Variants in PSD3 observed in about 807,000 individuals in gnomAD.
PSD3 encodes PH and SEC7 domain-containing protein 3.
Under a neutral mutation model 105.5 loss-of-function variants are expected in PSD3, and 49 were observed. That is an observed-to-expected ratio of 0.46 (90% CI 0.37 to 0.59). The LOEUF (loss-of-function observed/expected upper bound fraction) is 0.59, where lower values mean the gene tolerates loss of function less well. PSD3 is among the 20% of genes least tolerant of loss of function. The pLI, the probability that PSD3 is intolerant of heterozygous loss-of-function variation, is 0.00. For missense variants in PSD3, 1,561 were observed against 1,263.8 expected, an observed-to-expected ratio of 1.24 and a Z score of -3.57; for synonymous variants, 557 against 457.8, an observed-to-expected ratio of 1.22 and a Z score of -2.77.
chr8:18,903,585 A>G (rs1349630900), intron 2 of PSD3, among the ~76,000 whole-genome samples: 1 of 152,134 alleles, frequency 6.6e-6, no homozygotes, highest in East Asian at 1.9e-4. Flanking sequence ...CAGCTAAGCC[A>G]CTGTTCTACT....
chr8:18,586,056 C>A (rs2130451744), intron 12 of PSD3, among the ~76,000 whole-genome samples: 1 of 152,162 alleles, frequency 6.6e-6, no homozygotes, highest in Admixed American at 6.5e-5. Flanking sequence ...TACTTTAATA[C>A]CTAAGAGGCT....
rs77959818 is a variant in PSD3 at position 18,631,465 on chromosome 8, T to C, written c.2410+1148A>G. Among the ~76,000 whole-genome samples, 582 of 152,102 alleles carry C rather than the reference T, an allele frequency of 3.8e-3. 3 individuals carry two copies. Among genetic ancestry groups the C allele is most frequent in the African/African-American group, 0.013 (541 of 41,544 alleles). On this transcript the variant is annotated intron_variant, in intron 11 of 15. Coordinates refer to ENST00000327040, the MANE Select transcript of PSD3 (RefSeq NM_015310.4). ...GTGTCAAAATTAAACACGTGATCTA[T>C]AGCACTGCTAATAACCATGTATAAA...
At chr8:18,688,104 G>T (rs1410966934) in intron 9 of PSD3, among the ~76,000 whole-genome samples, 3 of 151,570 alleles carry the variant, frequency 2.0e-5, no homozygotes, top group African/African-American at 7.3e-5. Flanking sequence ...TTAGAGATAG[G>T]GTCCTGTTCT....
intron 10 of PSD3, among the ~76,000 whole-genome samples, chr8:18,650,972 C>A (rs902881219): frequency 6.6e-6 from 1 of 152,082 alleles, no homozygotes; most frequent in African/African-American, 2.4e-5. Context: ...TGGACTTGGA[C>A]CTATTGATGA....
chr8:18,867,553 A>AT, intron 4 of PSD3, 121 bp downstream of exon 4: 1 of 1,278,028 alleles, frequency 7.8e-7, no homozygotes, highest in Non-Finnish European at 1.1e-6. Context: ...TACTCACATC[A>AT]TTTGCTTATG....
chr8:18,778,616 G>A (rs335232), intron 8 of PSD3, among the ~76,000 whole-genome samples: 53,837 of 151,294 alleles, frequency 0.36, 9,824 homozygotes, highest in African/African-American at 0.42. Context: ...ACTATGATGT[G>A]TTCTTTCTAT....
At chr8:18,667,361 G>A (rs1452229353) in intron 9 of PSD3, among the ~76,000 whole-genome samples, 3 of 152,108 alleles carry the variant, frequency 2.0e-5, no homozygotes, top group Non-Finnish European at 2.9e-5. Flanking sequence ...CAAACCCTGA[G>A]CTAGACACAA....
intron 9 of PSD3, among the ~76,000 whole-genome samples, chr8:18,739,010 T>G (rs1015284661): frequency 6.6e-6 from 1 of 152,230 alleles, no homozygotes; most frequent in African/African-American, 2.4e-5. Flanking sequence ...TATCACAGAT[T>G]GTTCAGAACA....
chr8:18,969,204 A>G (rs1824480037), intron 1 of PSD3, among the ~76,000 whole-genome samples: 1 of 152,222 alleles, frequency 6.6e-6, no homozygotes, highest in African/African-American at 2.4e-5. Context: ...CTTTAATAAC[A>G]GCTGTAAAGT....
chr8:18,974,468 G>T (rs745860230), intron 1 of PSD3, among the ~76,000 whole-genome samples: 1 of 152,124 alleles, frequency 6.6e-6, no homozygotes, highest in Non-Finnish European at 1.5e-5. Flanking sequence ...AGAAAAAGAC[G>T]CAAGGAGAGC....
At chr8:18,987,911 G>C (rs1384209351) in intron 1 of PSD3, among the ~76,000 whole-genome samples, 2 of 151,956 alleles carry the variant, frequency 1.3e-5, no homozygotes, top group Non-Finnish European at 2.9e-5. Context: ...TACAAAACAA[G>C]GGCCTAGGCT....
chr8:18,914,767 A>G (rs1820472329), intron 2 of PSD3, among the ~76,000 whole-genome samples: 1 of 152,218 alleles, frequency 6.6e-6, no homozygotes, highest in Admixed American at 6.5e-5. Context: ...AATTGTTAAA[A>G]TGTCCCTATT....
At chr8:18,671,823 G>A (rs538385843) in intron 9 of PSD3, among the ~76,000 whole-genome samples, 7 of 152,138 alleles carry the variant, frequency 4.6e-5, no homozygotes, top group African/African-American at 9.6e-5. Flanking sequence ...AGTAGAGATG[G>A]GGTTTCACCG....
chr8:18,959,077 C>T (rs1233856572), intron 1 of PSD3, among the ~76,000 whole-genome samples: 2 of 152,034 alleles, frequency 1.3e-5, no homozygotes, highest in African/African-American at 4.8e-5. Context: ...CACATCATCA[C>T]GCTCAGCTAA....
At chr8:19,033,124 C>G (rs928843686) in intron 1 of PSD3, among the ~76,000 whole-genome samples, 2 of 151,590 alleles carry the variant, frequency 1.3e-5, no homozygotes, top group African/African-American at 4.9e-5. Context: ...CGGAACAAAA[C>G]CACACACAGA....
intron 12 of PSD3, among the ~76,000 whole-genome samples, chr8:18,588,917 C>G (rs1195576970): frequency 6.6e-6 from 1 of 152,182 alleles, no homozygotes; most frequent in African/African-American, 2.4e-5. Flanking sequence ...CAGGCCCACC[C>G]TGAGATGGAG....
At chr8:18,957,136 C>A (rs899624068) in intron 1 of PSD3, among the ~76,000 whole-genome samples, 1 of 152,094 alleles carries the variant, frequency 6.6e-6, no homozygotes, top group African/African-American at 2.4e-5. Flanking sequence ...CTCTGGGAGG[C>A]CAAGGTGGGC....
At chr8:18,636,063 T>C (rs1380698479) in intron 10 of PSD3, among the ~76,000 whole-genome samples, 3 of 151,928 alleles carry the variant, frequency 2.0e-5, no homozygotes, top group South Asian at 2.1e-4. Context: ...TAAAATAAAA[T>C]AAAAAAGGCT....
At chr8:18,980,058 C>A (rs1007878867) in intron 1 of PSD3, among the ~76,000 whole-genome samples, 5 of 152,164 alleles carry the variant, frequency 3.3e-5, no homozygotes, top group African/African-American at 1.2e-4. Flanking sequence ...AAAGGTGTAA[C>A]AGGTTCTCTG....
Sources: gnomAD v4.1 joint callset for allele counts (sites outside exome capture counted in the v4.1 genomes callset) on GRCh38, gnomAD v4.1.1 for gene constraint, MANE v1.5 for transcripts, NCBI Gene and HGNC (gene_info 2026-07-23, HGNC 2026-07-21) for gene names.